Variants in ADGRL2 observed in about 807,000 individuals in gnomAD.
ADGRL2 encodes the protein calcium-independent alpha-latrotoxin receptor 2.
ADGRL2 carries 44 observed loss-of-function variants against 157.4 expected under a neutral mutation model. The observed-to-expected ratio is 0.28, with a 90% CI of 0.22 to 0.36. ADGRL2 has a LOEUF of 0.36. Among genes scored for constraint, ADGRL2 ranks in the 10% least tolerant of loss-of-function variants. The probability of loss-of-function intolerance (pLI) is 1.00; values close to 1 mark genes in which losing one functional copy is unlikely to be tolerated. For synonymous variants in ADGRL2, 585 were observed against 624.7 expected (o/e 0.94, Z 0.95); for missense variants, 1,510 against 1,768.9 (o/e 0.85, Z 2.63).
At chr1:81,854,278 T>C (rs2093124607) in intron 2 of ADGRL2, among the ~76,000 whole-genome samples, 1 of 152,192 alleles carries the variant, frequency 6.6e-6, no homozygotes, top group South Asian at 2.1e-4. Flanking sequence ...CTGTCAGCTT[T>C]GATTTAGGAT....
intron 3 of ADGRL2, among the ~76,000 whole-genome samples, chr1:81,589,900 G>A (rs2081098619): frequency 6.6e-6 from 1 of 152,138 alleles, no homozygotes; most frequent in Non-Finnish European, 1.5e-5. Flanking sequence ...ATCATTAAAT[G>A]AGTGTGTAAA....
chr1:81,541,277 G>A (rs1343822604), intron 2 of ADGRL2, among the ~76,000 whole-genome samples: 1 of 152,148 alleles, frequency 6.6e-6, no homozygotes. Context: ...ATTTTCCTGT[G>A]CAAGAACCAG....
intron 1 of ADGRL2, among the ~76,000 whole-genome samples, chr1:81,355,832 C>A (rs986460913): frequency 2.6e-5 from 4 of 152,184 alleles, no homozygotes; most frequent in African/African-American, 9.6e-5. Context: ...CAGACCTGAC[C>A]TTATCTCTGT....
rs559321723 is a variant in ADGRL2 at position 81,620,285 on chromosome 1, T to G, written c.-143+39305T>G. Reference sequence around the variant, plus strand: ...TTTCACATGCAAATACAAAAAAAAGTAGAATGTACATAATACATAATTCAT... The same window carrying G: ...TTTCACATGCAAATACAAAAAAAAGGAGAATGTACATAATACATAATTCAT... On this transcript the variant is annotated intron_variant, in intron 3 of 24. Coordinates refer to the ADGRL2 transcript ENST00000370721. 3.0e-3 allele frequency among the ~76,000 whole-genome samples: 457 copies of G among 152,042 alleles called. 1 individual carries two copies. The highest frequency in any genetic ancestry group is 6.8e-3 in the Middle Eastern group (2 of 292).
chr1:81,925,362 C>G (rs1050862355), intron 3 of ADGRL2, among the ~76,000 whole-genome samples: 4 of 151,780 alleles, frequency 2.6e-5, no homozygotes, highest in South Asian at 4.1e-4. Context: ...TAAATGACAT[C>G]AAATATTTTA....
At chr1:81,506,742 CA>C (rs2078983096) in intron 2 of ADGRL2, among the ~76,000 whole-genome samples, 1 of 151,018 alleles carries the variant, frequency 6.6e-6, no homozygotes, top group Non-Finnish European at 1.5e-5. Flanking sequence ...CAAAACAAAA[CA>C]AAACAAAACA....
At chr1:81,983,154 T>A (rs1662142257) in intron 19 of ADGRL2, among the ~76,000 whole-genome samples, 1 of 151,982 alleles carries the variant, frequency 6.6e-6, no homozygotes, top group South Asian at 2.1e-4. Context: ...AGTCATTATT[T>A]CCTCATATAG....
intron 2 of ADGRL2, among the ~76,000 whole-genome samples, chr1:81,540,142 A>C (rs1008212476): frequency 6.6e-6 from 1 of 152,112 alleles, no homozygotes; most frequent in East Asian, 1.9e-4. Context: ...GTTATTTCTA[A>C]TTTTCCAATT....
intron 2 of ADGRL2, among the ~76,000 whole-genome samples, chr1:81,532,248 A>G (rs993284575): frequency 1.1e-4 from 16 of 152,266 alleles, no homozygotes; most frequent in African/African-American, 3.8e-4. Flanking sequence ...CATGTTCAAA[A>G]TATTATACAT....
At chr1:81,328,448 AC>A (rs1661045576) in intron 1 of ADGRL2, among the ~76,000 whole-genome samples, 1 of 152,018 alleles carries the variant, frequency 6.6e-6, no homozygotes, top group East Asian at 1.9e-4. Flanking sequence ...GGTCAAGCCA[AC>A]CCCCATCCCT....
intron 1 of ADGRL2, among the ~76,000 whole-genome samples, chr1:81,378,794 A>G (rs2076295962): frequency 6.6e-6 from 1 of 152,194 alleles, no homozygotes; most frequent in African/African-American, 2.4e-5. Flanking sequence ...TTAATGGTTG[A>G]GAGTAGTCCC....
chr1:81,643,370 T>C (rs2082256979), intron 3 of ADGRL2, among the ~76,000 whole-genome samples: 1 of 152,166 alleles, frequency 6.6e-6, no homozygotes, highest in Admixed American at 6.5e-5. Flanking sequence ...TGGAGTGCAG[T>C]GGTACAGTCA....
At chr1:81,747,111 G>A (rs1339736667) in intron 1 of ADGRL2, among the ~76,000 whole-genome samples, 1 of 133,102 alleles carries the variant, frequency 7.5e-6, no homozygotes, top group Admixed American at 7.4e-5. Context: ...ACATATATGT[G>A]TATATATGTG....
chr1:81,476,920 A>G (rs998866927), intron 2 of ADGRL2, among the ~76,000 whole-genome samples: 1 of 152,160 alleles, frequency 6.6e-6, no homozygotes, highest in Non-Finnish European at 1.5e-5. Context: ...TAAATCACCC[A>G]CATTTACCTG....
In ADGRL2 at chr1:81,917,416, G is replaced by A. The variant is rs139697499; in HGVS notation, c.287+10186G>A. On this transcript the variant is annotated intron_variant, in intron 3 of 23. Transcript: ENST00000686636. The stretch of plus-strand genomic sequence containing the variant: ...ATGTATTTTCTTTAAGTATATTATA[G>A]CAATGTAGTTAGATTTTTTTTAGTG... 3.9e-5 allele frequency among the ~76,000 whole-genome samples: 6 copies of A among 151,950 alleles called. No individual in the cohort carries two copies. The East Asian group carries it at 1.2e-3, about 29-fold the overall frequency.
chr1:81,890,027 A>G (rs1417586565), intron 2 of ADGRL2, among the ~76,000 whole-genome samples: 1 of 152,204 alleles, frequency 6.6e-6, no homozygotes, highest in African/African-American at 2.4e-5. Context: ...CTTAACATTT[A>G]TTAATGTGAA....
At chr1:81,546,054 TTTTTTTTTTC>T (rs973383499) in intron 2 of ADGRL2, among the ~76,000 whole-genome samples, 10 of 150,418 alleles carry the variant, frequency 6.6e-5, no homozygotes, top group Non-Finnish European at 7.4e-5. Context: ...CTTAAAAATA[TTTTTTTTTTC>T]TGTACTGTTT....
intron 2 of ADGRL2, among the ~76,000 whole-genome samples, chr1:81,886,487 G>A (rs1194169989): frequency 1.3e-5 from 2 of 152,068 alleles, no homozygotes; most frequent in African/African-American, 4.8e-5. Flanking sequence ...CTTTTATATT[G>A]CCCAAATTAT....
At chr1:81,589,468 A>G (rs1237017974) in intron 3 of ADGRL2, among the ~76,000 whole-genome samples, 1 of 152,190 alleles carries the variant, frequency 6.6e-6, no homozygotes, top group Admixed American at 6.5e-5. Flanking sequence ...TGCCAGAACA[A>G]TAACCACATA....
Sources: gnomAD v4.1 joint callset for allele counts (sites outside exome capture counted in the v4.1 genomes callset) on GRCh38, gnomAD v4.1.1 for gene constraint, MANE v1.5 for transcripts, NCBI Gene and HGNC (gene_info 2026-07-23, HGNC 2026-07-21) for gene names.